AFG2A: variants seen among roughly 807,000 people sequenced by gnomAD.
AFG2A encodes AAA ATPase AFG2A.
chr4:123,202,556 C>G, the AFG2A span, among the ~76,000 whole-genome samples: 1 of 152,062 alleles, frequency 6.6e-6, no homozygotes. Context: ...ATGGTGATAT[C>G]TTATATCTGT....
At chr4:123,003,737 G>T in the AFG2A span, among the ~76,000 whole-genome samples, 1 of 152,168 alleles carries the variant, frequency 6.6e-6, no homozygotes, top group African/African-American at 2.4e-5. Context: ...CTTCCAGTTG[G>T]GGTGCTCGGT....
At chr4:122,927,549 AGAG>A in the AFG2A span, 3 of 1,350,720 alleles carry the variant, frequency 2.2e-6, no homozygotes, top group Non-Finnish European at 2.0e-6. Context: ...TTATATGGTT[AGAG>A]TATTTTTATT....
chr4:123,180,888 G>A, the AFG2A span, among the ~76,000 whole-genome samples: 1 of 151,494 alleles, frequency 6.6e-6, no homozygotes, highest in African/African-American at 2.4e-5. Context: ...AAAGGTCTGG[G>A]TAGTAAATAT....
At chr4:122,972,422 G>A in the AFG2A span, among the ~76,000 whole-genome samples, 2 of 151,630 alleles carry the variant, frequency 1.3e-5, no homozygotes, top group East Asian at 3.9e-4. Context: ...TGGCTTTACT[G>A]GTTACTTTTT....
chr4:123,274,121 G>C, the AFG2A span, among the ~76,000 whole-genome samples: 1 of 152,140 alleles, frequency 6.6e-6, no homozygotes, highest in African/African-American at 2.4e-5. Flanking sequence ...TTATAACTCA[G>C]TGTATTCTTA....
the AFG2A span, among the ~76,000 whole-genome samples, chr4:123,304,712 A>G: frequency 6.6e-6 from 1 of 152,222 alleles, no homozygotes; most frequent in South Asian, 2.1e-4. Flanking sequence ...AGAAGCTGAG[A>G]AGCACATTTC....
At chr4:123,240,055 C>T in the AFG2A span, among the ~76,000 whole-genome samples, 6,602 of 152,118 alleles carry the variant, frequency 0.043, 487 homozygotes, top group African/African-American at 0.15. Context: ...AGGCTTTAAA[C>T]CAACAAAGAT....
At chr4:123,096,677 G>A in the AFG2A span, among the ~76,000 whole-genome samples, 530 of 152,060 alleles carry the variant, frequency 3.5e-3, 7 homozygotes, top group African/African-American at 0.012. Flanking sequence ...ATTATCCCTA[G>A]CGTATAAACC....
chr4:123,079,906 C>T, the AFG2A span, among the ~76,000 whole-genome samples: 291 of 151,798 alleles, frequency 1.9e-3, 1 homozygote, highest in African/African-American at 6.8e-3. Flanking sequence ...CCCACTACCA[C>T]ACCCGGCTAA....
chr4:123,307,917 T>C, the AFG2A span, among the ~76,000 whole-genome samples: 2 of 152,220 alleles, frequency 1.3e-5, no homozygotes, highest in African/African-American at 4.8e-5. Context: ...GAATGGGCTA[T>C]TACCATCTAG....
At chr4:123,108,220 A>G in the AFG2A span, among the ~76,000 whole-genome samples, 1 of 152,216 alleles carries the variant, frequency 6.6e-6, no homozygotes, top group Non-Finnish European at 1.5e-5. Context: ...TTAGTGCTGG[A>G]GAGATTCTTA....
the AFG2A span, among the ~76,000 whole-genome samples, chr4:123,050,686 A>G: frequency 2.0e-4 from 30 of 150,070 alleles, no homozygotes; most frequent in African/African-American, 6.8e-4. Flanking sequence ...CTGTTAGTCT[A>G]TATGTGCTGT....
chr4:123,092,632 A>G, the AFG2A span, among the ~76,000 whole-genome samples: 1 of 152,238 alleles, frequency 6.6e-6, no homozygotes. Context: ...TGGGCACAGC[A>G]TGACTAGTTT....
At chr4:123,161,672 G>A in the AFG2A span, among the ~76,000 whole-genome samples, 3 of 152,122 alleles carry the variant, frequency 2.0e-5, no homozygotes, top group East Asian at 1.9e-4. Flanking sequence ...GTAGAGAGAC[G>A]TAATTTCTGA....
chr4:123,207,913 C>CGGAAGT, the AFG2A span, among the ~76,000 whole-genome samples: 1 of 152,042 alleles, frequency 6.6e-6, no homozygotes, highest in Non-Finnish European at 1.5e-5. Context: ...ACATTTTTTG[C>CGGAAGT]GGAAGTGAGA....
the AFG2A span, chr4:122,935,894 A>G: frequency 2.0e-6 from 3 of 1,505,626 alleles, no homozygotes; most frequent in African/African-American, 2.8e-5. Context: ...TATTTCTAAA[A>G]TGTGGTTTTT....
At chr4:123,169,564 G>A in the AFG2A span, among the ~76,000 whole-genome samples, 2 of 152,242 alleles carry the variant, frequency 1.3e-5, no homozygotes, top group South Asian at 4.1e-4. Context: ...TGCAACCTCT[G>A]CTTCCCGGGC....
At chr4:123,065,836 T>C in the AFG2A span, among the ~76,000 whole-genome samples, 1 of 152,124 alleles carries the variant, frequency 6.6e-6, no homozygotes, top group Non-Finnish European at 1.5e-5. Flanking sequence ...ATCCTAGATA[T>C]AGGAGAAAAT....
At chr4:123,237,534 G>A in the AFG2A span, among the ~76,000 whole-genome samples, 1 of 151,974 alleles carries the variant, frequency 6.6e-6, no homozygotes, top group African/African-American at 2.4e-5. Context: ...TTAGCCAGGT[G>A]TGGTGGTGCC....
Sources: gnomAD v4.1 joint callset for allele counts (sites outside exome capture counted in the v4.1 genomes callset) on GRCh38, gnomAD v4.1.1 for gene constraint, MANE v1.5 for transcripts, NCBI Gene and HGNC (gene_info 2026-07-23, HGNC 2026-07-21) for gene names.